Variants in MB21D2 observed in about 807,000 individuals in gnomAD.
MB21D2 encodes the protein Mab-21 domain containing 2, also known as nucleotidyltransferase MB21D2.
A neutral mutation model predicts 33.3 loss-of-function variants in MB21D2; 9 were observed. That is an observed-to-expected ratio of 0.27 (90% CI 0.16 to 0.47). The LOEUF (loss-of-function observed/expected upper bound fraction) is 0.47, where lower values mean the gene tolerates loss of function less well. MB21D2 is among the 20% of genes least tolerant of loss of function. MB21D2 has a pLI of 0.99. For synonymous variants in MB21D2, 241 were observed against 236.3 expected (o/e 1.02, Z -0.18); for missense variants, 540 against 624.6 (o/e 0.86, Z 1.44).
At chr3:192,875,893 T>G (rs1577192430) in intron 1 of MB21D2, among the ~76,000 whole-genome samples, 1 of 152,142 alleles carries the variant, frequency 6.6e-6, no homozygotes, top group South Asian at 2.1e-4. Flanking sequence ...TTTCTACATG[T>G]TTTTTTAGAG....
chr3:192,868,396 G>A (rs771291927), intron 1 of MB21D2, among the ~76,000 whole-genome samples: 15 of 152,164 alleles, frequency 9.9e-5, no homozygotes, highest in African/African-American at 1.2e-4. Flanking sequence ...GCCAAGTAAC[G>A]GAAAGAAACA....
At chr3:192,872,610 T>C (rs939497363) in intron 1 of MB21D2, among the ~76,000 whole-genome samples, 1 of 151,708 alleles carries the variant, frequency 6.6e-6, no homozygotes, top group Non-Finnish European at 1.5e-5. Flanking sequence ...GCTCTGACTT[T>C]ATGGCTAAAT....
chr3:192,884,620 G>A (rs1469115281), intron 1 of MB21D2, among the ~76,000 whole-genome samples: 8 of 152,166 alleles, frequency 5.3e-5, no homozygotes, highest in Admixed American at 4.6e-4. Context: ...GCCCGCCTTG[G>A]CCTCCCAAAG....
intron 1 of MB21D2, among the ~76,000 whole-genome samples, chr3:192,885,964 A>AT (rs879628327): frequency 7.3e-5 from 11 of 151,474 alleles, no homozygotes; most frequent in South Asian, 4.2e-4. Context: ...TATTTTTATA[A>AT]TTTTTTTTTC....
chr3:192,803,570 C>T (rs1004926012), intron 1 of MB21D2, among the ~76,000 whole-genome samples: 1 of 152,152 alleles, frequency 6.6e-6, no homozygotes, highest in South Asian at 2.1e-4. Context: ...CCTTCCCCAG[C>T]GTTATACAAG....
chr3:192,813,413 G>A (rs2986), intron 1 of MB21D2, among the ~76,000 whole-genome samples: 81,234 of 151,584 alleles, frequency 0.54, 22,088 homozygotes, highest in South Asian at 0.6. Context: ...TCTTCCTTCA[G>A]GACTATTTCA....
rs759046687 is a variant in MB21D2, at chr3:192,798,895, G to A, written c.967C>T (p.Arg323Trp). ...TGATAGGGGCTAATAGCCTTGGGCCGGGACAGCAGTTTAATGATGATGGCT... is the reference window on the plus strand; with the variant it reads ...TGATAGGGGCTAATAGCCTTGGGCCAGGACAGCAGTTTAATGATGATGGCT... ...CKAIIIKLLS[R>W]PKAISPYHLR... The change falls in exon 2 of 2, where the codon CGG becomes TGG. Residue 323 changes from arginine to tryptophan, a missense_variant. By Grantham distance (101) the Arg-to-Trp change is moderately radical. Coordinates refer to ENST00000392452, the MANE Select transcript of MB21D2 (RefSeq NM_178496.4). The surrounding 1 kb of genome is among the most constrained non-coding windows in gnomAD (Gnocchi z 4.8). 11 of 1,613,564 alleles carry A rather than the reference G, an allele frequency of 6.8e-6. No homozygotes were observed. Among genetic ancestry groups the A allele is most frequent in the South Asian group, 2.2e-5 (2 of 91,064 alleles).
chr3:192,832,193 C>G (rs1402011580), intron 1 of MB21D2, among the ~76,000 whole-genome samples: 1 of 152,192 alleles, frequency 6.6e-6, no homozygotes, highest in African/African-American at 2.4e-5. Context: ...ACAAGGGCCC[C>G]AGGCAGTTCT....
At chr3:192,832,935 C>A (rs1314202688) in intron 1 of MB21D2, among the ~76,000 whole-genome samples, 1 of 152,150 alleles carries the variant, frequency 6.6e-6, no homozygotes, top group Non-Finnish European at 1.5e-5. Flanking sequence ...TTTATGCCCT[C>A]AAACAATAGC....
intron 1 of MB21D2, among the ~76,000 whole-genome samples, chr3:192,818,829 G>C (rs1253058951): frequency 6.6e-6 from 1 of 151,974 alleles, no homozygotes; most frequent in Non-Finnish European, 1.5e-5. Context: ...ATACTATATT[G>C]TTATATAAGT....
intron 1 of MB21D2, among the ~76,000 whole-genome samples, chr3:192,915,150 G>A (rs1018953306): frequency 6.6e-6 from 1 of 152,198 alleles, no homozygotes; most frequent in East Asian, 1.9e-4. Context: ...CTCAGATACA[G>A]AACAAAGCCA....
chr3:192,822,043 A>T (rs548140480), intron 1 of MB21D2, among the ~76,000 whole-genome samples: 3 of 152,152 alleles, frequency 2.0e-5, no homozygotes, highest in Admixed American at 6.5e-5. Context: ...ATATCTTTAC[A>T]TGGAAATACG....
chr3:192,823,198 A>T (rs1712097269), intron 1 of MB21D2, among the ~76,000 whole-genome samples: 1 of 152,256 alleles, frequency 6.6e-6, no homozygotes, highest in South Asian at 2.1e-4. Flanking sequence ...TTTAAAATAA[A>T]ATCAAAATCA....
chr3:192,804,866 G>A (rs185372041), intron 1 of MB21D2, among the ~76,000 whole-genome samples: 2 of 152,322 alleles, frequency 1.3e-5, no homozygotes, highest in East Asian at 1.9e-4. Flanking sequence ...GACATTCTGA[G>A]GAACGTCTGA....
At chr3:192,849,226 C>T (rs1340812724) in intron 1 of MB21D2, among the ~76,000 whole-genome samples, 3 of 148,420 alleles carry the variant, frequency 2.0e-5, no homozygotes, top group Non-Finnish European at 3.0e-5. Flanking sequence ...TCGAACCTTC[C>T]GAATTCTGTA....
chr3:192,879,564 T>C (rs1303993300), intron 1 of MB21D2, among the ~76,000 whole-genome samples: 2 of 152,158 alleles, frequency 1.3e-5, no homozygotes, highest in Admixed American at 6.5e-5. Flanking sequence ...TAAAAAGTGA[T>C]TGGAGAGGCT....
At chr3:192,905,338 T>G in intron 1 of MB21D2, among the ~76,000 whole-genome samples, 1 of 152,090 alleles carries the variant, frequency 6.6e-6, no homozygotes, top group East Asian at 1.9e-4. Context: ...TGCAAAATAT[T>G]CAAAAATTAG....
chr3:192,895,078 T>TG (rs370108923), intron 1 of MB21D2, among the ~76,000 whole-genome samples: 47 of 142,660 alleles, frequency 3.3e-4, no homozygotes, highest in Middle Eastern at 3.5e-3. Context: ...TGGCCTGGGT[T>TG]GGGGGGGAGG....
Position 192,835,155 on chromosome 3 carries a change from A to AC in MB21D2, c.212-35506_212-35505insG, listed in dbSNP as rs1553857244. On this transcript the variant is annotated intron_variant, in intron 1 of 1. Coordinates refer to ENST00000392452, the MANE Select transcript of MB21D2 (RefSeq NM_178496.4). Reference sequence around the variant, plus strand: ...CAGGGATCTTTAGAAAGTGTCTTTAAAAAAAAAAAAAAAAAAAAGCTGGGT... The same window carrying AC: ...CAGGGATCTTTAGAAAGTGTCTTTAACAAAAAAAAAAAAAAAAAAGCTGGGT... 4.0e-3 allele frequency among the ~76,000 whole-genome samples: 410 copies of AC among 103,314 alleles called. 9 individuals are homozygous for AC. The highest frequency in any genetic ancestry group is 0.01 in the Middle Eastern group (2 of 192). The allele number at this position is 103,314 out of a possible 152,430, so 67.8% of individuals were successfully genotyped here. A position where few individuals can be genotyped will look rare whatever the true frequency, so the allele number is the denominator to read the frequency against.
Sources: gnomAD v4.1 joint callset for allele counts (sites outside exome capture counted in the v4.1 genomes callset) on GRCh38, gnomAD v4.1.1 for gene constraint, Gnocchi (gnomAD v3.1) non-coding constraint, MANE v1.5 for transcripts, NCBI Gene and HGNC (gene_info 2026-07-23, HGNC 2026-07-21) for gene names.